The following GAD2 variants were observed in gnomAD, a reference collection of about 807,000 sequenced individuals.
The protein encoded by GAD2 is 65 kDa glutamic acid decarboxylase.
In GAD2, 22 loss-of-function variants were observed where a neutral mutation model predicts 80.1. The ratio of observed to expected loss-of-function variants is 0.27; its 90% confidence interval spans 0.20 to 0.39. The LOEUF (loss-of-function observed/expected upper bound fraction) is 0.39. Among genes scored for constraint, GAD2 ranks in the 10% least tolerant of loss-of-function variants. The pLI is 1.00. For synonymous variants in GAD2, 274 were observed against 256.9 expected (o/e 1.07, Z -0.64); for missense variants, 624 against 738.4 (o/e 0.85, Z 1.80).
upstream of GAD2, chr10:26,216,510 C>G (rs1349551267): frequency 4.0e-6 from 1 of 251,310 alleles, no homozygotes; most frequent in African/African-American, 2.3e-5. This position sits in a 1 kb window ranked among gnomAD's most constrained non-coding sequence, Gnocchi z 4.7. Flanking sequence ...CTGGGGCTCT[C>G]CGCGCTTTCC....
chr10:26,225,004 G>T (rs1844503079), intron 6 of GAD2, among the ~76,000 whole-genome samples: 1 of 152,192 alleles, frequency 6.6e-6, no homozygotes, highest in Non-Finnish European at 1.5e-5. Flanking sequence ...TAGAATTAGT[G>T]AAAGGAAATG....
chr10:26,238,904 A>G (rs1258311925), intron 7 of GAD2, among the ~76,000 whole-genome samples: 1 of 150,314 alleles, frequency 6.7e-6, no homozygotes, highest in Non-Finnish European at 1.5e-5. Context: ...GAGCAAGCGA[A>G]TGGAGGTGTC....
intron 7 of GAD2, among the ~76,000 whole-genome samples, chr10:26,231,679 CT>C (rs1421387346): frequency 6.6e-6 from 1 of 152,210 alleles, no homozygotes; most frequent in African/African-American, 2.4e-5. Context: ...AATGTATTAC[CT>C]TATAGTTCTG....
At chr10:26,297,908 A>G (rs895641797) in intron 15 of GAD2, among the ~76,000 whole-genome samples, 5 of 152,196 alleles carry the variant, frequency 3.3e-5, no homozygotes, top group Admixed American at 2.0e-4. Context: ...ATGAGTAAAC[A>G]TATATGTAAC....
intron 8 of GAD2, among the ~76,000 whole-genome samples, chr10:26,257,734 C>T (rs1844961053): frequency 6.6e-6 from 1 of 152,218 alleles, no homozygotes; most frequent in Non-Finnish European, 1.5e-5. Flanking sequence ...TTAGACTACA[C>T]TTCCCTGTGC....
At chr10:26,300,451 GA>G (rs1481169610) in intron 15 of GAD2, among the ~76,000 whole-genome samples, 1 of 151,992 alleles carries the variant, frequency 6.6e-6, no homozygotes, top group Non-Finnish European at 1.5e-5. Flanking sequence ...ACTGTGGGGG[GA>G]AAATGCCCCC....
chr10:26,223,327 CAG>C (rs1452090789), intron 4 of GAD2, among the ~76,000 whole-genome samples: 1 of 152,210 alleles, frequency 6.6e-6, no homozygotes, highest in East Asian at 1.9e-4. Context: ...AATCATTCAG[CAG>C]AGTGTCCTAT....
At chr10:26,226,395 G>A (rs550243771) in intron 6 of GAD2, among the ~76,000 whole-genome samples, 1 of 152,330 alleles carries the variant, frequency 6.6e-6, no homozygotes, top group Non-Finnish European at 1.5e-5. Context: ...CTTCCTTGGA[G>A]CCTAAAGACC....
At chr10:26,230,286 G>A (rs8190636) in intron 7 of GAD2, among the ~76,000 whole-genome samples, 5 of 152,238 alleles carry the variant, frequency 3.3e-5, no homozygotes, top group Admixed American at 3.3e-4. Flanking sequence ...GGAAGGCAGA[G>A]GGACTGTGAG....
In GAD2 at chr10:26,248,481, G is replaced by C. The variant is rs142165896; in HGVS notation, c.920+2481G>C. ...GCCAATCCATTTGGTGGGAGTCCTG[G>C]AGTCCTGGTTTGTGAAAAACAGCCC... On this transcript the variant is annotated intron_variant, in intron 8 of 15. Transcript: ENST00000376261. Among the ~76,000 whole-genome samples, 178 of 152,278 alleles carry C rather than the reference G, an allele frequency of 1.2e-3. 1 individual carries two copies. The highest frequency in any genetic ancestry group is 3.9e-3 in the African/African-American group (162 of 41,544).
intron 11 of GAD2, among the ~76,000 whole-genome samples, chr10:26,275,757 A>G (rs1266342529): frequency 6.6e-6 from 1 of 152,254 alleles, no homozygotes; most frequent in Admixed American, 6.5e-5. Context: ...TCCGCAAACC[A>G]AAGTTTAGAA....
At chr10:26,218,551 T>TCTCACTCACACA (rs748110324) in intron 3 of GAD2, among the ~76,000 whole-genome samples, 1 of 118,780 alleles carries the variant, frequency 8.4e-6, no homozygotes, top group Non-Finnish European at 1.7e-5. Flanking sequence ...TCTCTCTCTC[T>TCTCACTCACACA]CACACACACA....
chr10:26,303,155 G>A lies in GAD2; in HGVS notation c.*2194G>A, dbSNP rs1406235628. The A allele has an allele frequency of 6.6e-6, 1 of 152,124 alleles. No individual in the cohort carries two copies. The highest frequency in any genetic ancestry group is 1.9e-4 in the East Asian group (1 of 5,202). 9.4% of individuals were successfully genotyped at this position (152,124 alleles called of 1,614,324 possible). ...AGTTACAGATCCTAGATTATAAACT[G>A]CTGCTTTTTAGGTTAATGAGATGGT... On this transcript the variant is annotated 3_prime_UTR_variant, in exon 16 of 16. Transcript: ENST00000376261.
chr10:26,233,865 G>A (rs1844636124), intron 7 of GAD2, among the ~76,000 whole-genome samples: 1 of 152,154 alleles, frequency 6.6e-6, no homozygotes, highest in South Asian at 2.1e-4. Context: ...AGGAGAGGGA[G>A]GCCATGGGTC....
At chr10:26,297,938 C>T (rs916209722) in intron 15 of GAD2, among the ~76,000 whole-genome samples, 4 of 152,108 alleles carry the variant, frequency 2.6e-5, no homozygotes, top group Non-Finnish European at 4.4e-5. Flanking sequence ...ATGTTTACTT[C>T]GGGGCAGGGT....
intron 7 of GAD2, among the ~76,000 whole-genome samples, chr10:26,242,876 A>T (rs960010131): frequency 6.6e-6 from 1 of 152,100 alleles, no homozygotes; most frequent in African/African-American, 2.4e-5. Flanking sequence ...GCCTTTTTGC[A>T]GTTTAGTGCT....
chr10:26,275,815 T>C (rs1845194136), intron 11 of GAD2, among the ~76,000 whole-genome samples: 1 of 152,072 alleles, frequency 6.6e-6, no homozygotes, highest in African/African-American at 2.4e-5. Context: ...TGTCCCCAAA[T>C]CCAGAGGATC....
intron 8 of GAD2, among the ~76,000 whole-genome samples, chr10:26,258,786 C>T (rs1434601717): frequency 2.0e-5 from 3 of 151,116 alleles, no homozygotes; most frequent in South Asian, 2.1e-4. Flanking sequence ...TCCATTTATG[C>T]GTACTTACTT....
intron 12 of GAD2, 42 bp from the exon 13 acceptor site, chr10:26,286,303 G>A (rs951318232): frequency 6.4e-7 from 1 of 1,554,016 alleles, no homozygotes; most frequent in African/African-American, 1.4e-5. Flanking sequence ...AATCTAATAA[G>A]TAGTCAGTAG....
Sources: allele counts gnomAD v4.1 joint callset (sites outside exome capture counted in the v4.1 genomes callset), GRCh38; gene constraint gnomAD v4.1.1; non-coding constraint Gnocchi (gnomAD v3.1); transcripts MANE v1.5; gene names NCBI Gene and HGNC (gene_info 2026-07-23, HGNC 2026-07-21).